Variants in CPEB3 observed in about 807,000 individuals in gnomAD.
CPEB3 encodes the protein cytoplasmic polyadenylation element binding protein 3.
A neutral mutation model predicts 67.2 loss-of-function variants in CPEB3; 20 were observed. The ratio of observed to expected loss-of-function variants is 0.30; its 90% CI spans 0.21 to 0.43. The LOEUF (loss-of-function observed/expected upper bound fraction) is 0.43, where lower values mean the gene tolerates loss of function less well. Ranked by LOEUF, CPEB3 falls within the 20% of genes least tolerant of loss-of-function variation. CPEB3 has a pLI of 1.00. For missense variants in CPEB3, 746 were observed against 968.6 expected (o/e 0.77, Z 3.05); for synonymous variants, 376 against 393.1 (o/e 0.96, Z 0.51).
At chr10:92,183,696 G>A (rs554354509) in intron 3 of CPEB3, among the ~76,000 whole-genome samples, 7 of 152,234 alleles carry the variant, frequency 4.6e-5, no homozygotes, top group African/African-American at 1.7e-4. Flanking sequence ...AGAACTTAAG[G>A]AAATCGCATA....
intron 3 of CPEB3, among the ~76,000 whole-genome samples, chr10:92,185,622 A>T (rs1359409531): frequency 6.6e-6 from 1 of 152,198 alleles, no homozygotes; most frequent in African/African-American, 2.4e-5. Flanking sequence ...ATATGTTATG[A>T]GATAGGGAAC....
chr10:92,144,820 A>G, intron 5 of CPEB3, 125 bp downstream of exon 5: 1 of 768,466 alleles, frequency 1.3e-6, no homozygotes, highest in Non-Finnish European at 2.1e-6. Flanking sequence ...TAATCCACCA[A>G]ATAGTCTCAC....
chr10:92,172,724 A>C (rs1458925042), intron 4 of CPEB3, among the ~76,000 whole-genome samples: 2 of 152,184 alleles, frequency 1.3e-5, no homozygotes, highest in East Asian at 1.9e-4. Flanking sequence ...AGTTTCACAC[A>C]CTACTCTATC....
At position 92,047,700 on chromosome 10, in the gene CPEB3, T is replaced by A. The variant is rs1392261621; in HGVS notation, c.*4512A>T. On this transcript the variant is annotated 3_prime_UTR_variant, in exon 10 of 10. Coordinates refer to ENST00000265997, the MANE Select transcript of CPEB3 (RefSeq NM_014912.5). ...AGTAGTACCCAATTTGAGTTAAAAT[T>A]TTACATCACAACTTGATCTAATCTA... 1 of 152,250 alleles carries A rather than the reference T, an allele frequency of 6.6e-6. No homozygotes were observed. Among genetic ancestry groups the A allele is most frequent in the Non-Finnish European group, 1.5e-5 (1 of 68,034 alleles). 9.4% of individuals were successfully genotyped at this position (152,250 alleles called of 1,614,324 possible).
chr10:92,262,885 T>C (rs1275118157), intron 1 of CPEB3, among the ~76,000 whole-genome samples: 1 of 152,076 alleles, frequency 6.6e-6, no homozygotes, highest in South Asian at 2.1e-4. Flanking sequence ...AGCAGCGTGA[T>C]TGTGGCTCAC....
At chr10:92,251,121 C>T (rs1321701024) in intron 1 of CPEB3, among the ~76,000 whole-genome samples, 1 of 152,140 alleles carries the variant, frequency 6.6e-6, no homozygotes, top group African/African-American at 2.4e-5. Context: ...TGTGGGGTAA[C>T]ATGCTGTACA....
intron 5 of CPEB3, among the ~76,000 whole-genome samples, chr10:92,144,476 G>A (rs1564815896): frequency 1.3e-5 from 2 of 152,088 alleles, no homozygotes; most frequent in Non-Finnish European, 2.9e-5. Flanking sequence ...ATGTTGCCCA[G>A]GCTGGTCTTG....
intron 7 of CPEB3, among the ~76,000 whole-genome samples, chr10:92,106,814 C>CAAAAAAAAAAAAAAAAAA (rs531195477): frequency 7.1e-5 from 4 of 55,972 alleles, no homozygotes; most frequent in African/African-American, 1.7e-4. Context: ...GACTCTGTCT[C>CAAAAAAAAAAAAAAAAAA]AAAAAAAAAA....
At chr10:92,125,479 T>C (rs1380112560) in intron 6 of CPEB3, among the ~76,000 whole-genome samples, 1 of 152,008 alleles carries the variant, frequency 6.6e-6, no homozygotes, top group African/African-American at 2.4e-5. Context: ...CCTGGGCCCA[T>C]ATTCTCTGTC....
intron 2 of CPEB3, among the ~76,000 whole-genome samples, chr10:92,209,869 G>A (rs926570124): frequency 2.0e-5 from 3 of 149,754 alleles, no homozygotes; most frequent in Non-Finnish European, 3.0e-5. Flanking sequence ...CCCGAGAGGC[G>A]GAGGCTGCAG....
At chr10:92,074,526 G>A (rs1044313903) in intron 9 of CPEB3, among the ~76,000 whole-genome samples, 1 of 152,152 alleles carries the variant, frequency 6.6e-6, no homozygotes, top group Non-Finnish European at 1.5e-5. Context: ...ATGAAGAAAG[G>A]ATTCTTAAAA....
intron 1 of CPEB3, among the ~76,000 whole-genome samples, chr10:92,284,284 G>A (rs890522468): frequency 3.3e-5 from 5 of 151,534 alleles, no homozygotes; most frequent in Admixed American, 6.6e-5. Context: ...TCATCCGCCC[G>A]CCTCAGCCTC....
At chr10:92,088,535 T>G (rs1396775607) in intron 8 of CPEB3, among the ~76,000 whole-genome samples, 1 of 152,018 alleles carries the variant, frequency 6.6e-6, no homozygotes, top group Non-Finnish European at 1.5e-5. Context: ...CTTTAAGAGG[T>G]GTTTGTATAT....
chr10:92,278,601 CTT>C (rs1294501874), intron 1 of CPEB3, among the ~76,000 whole-genome samples: 17 of 129,166 alleles, frequency 1.3e-4, no homozygotes, highest in Admixed American at 2.4e-4. Context: ...TTGACTGGTT[CTT>C]TTTTTTTTTT....
At chr10:92,258,625 A>AATATATATAT (rs56316802) in intron 1 of CPEB3, among the ~76,000 whole-genome samples, 3 of 32,894 alleles carry the variant, frequency 9.1e-5, no homozygotes, top group African/African-American at 2.9e-4. Flanking sequence ...ATATTTTTTG[A>AATATATATAT]ATATATATAT....
intron 6 of CPEB3, chr10:92,137,668 AC>A (rs1197724415): frequency 7.4e-5 from 39 of 528,248 alleles, no homozygotes; most frequent in South Asian, 1.5e-4. Context: ...CCTGATTGTC[AC>A]CCTAGGCAGT....
chr10:92,198,350 C>A (rs567049773), intron 2 of CPEB3, among the ~76,000 whole-genome samples: 1 of 152,148 alleles, frequency 6.6e-6, no homozygotes, highest in Non-Finnish European at 1.5e-5. Flanking sequence ...TTGACCCCAC[C>A]CTGCAACACA....
In CPEB3 at chr10:92,239,457, GC is replaced by G; in HGVS notation, c.893del (p.Ser298ThrfsTer3). 1 of 1,597,558 alleles carries G rather than the reference GC, an allele frequency of 6.3e-7. No individual in the cohort carries two copies. The highest frequency in any genetic ancestry group is 8.5e-7 in the Non-Finnish European group (1 of 1,171,752). On this transcript the variant is annotated frameshift_variant, in exon 2 of 10. Coordinates refer to ENST00000265997, the MANE Select transcript of CPEB3 (RefSeq NM_014912.5). LOFTEE classifies it high-confidence loss of function. This position sits in a 1 kb window ranked among gnomAD's most constrained non-coding sequence, Gnocchi z 6.0. ...GGAACTTGGGCGGCGCGATCACGTTGCTGGAGAAGGGCTTTTTGAGCGGCGA... is the reference window on the plus strand; with the variant it reads ...GGAACTTGGGCGGCGCGATCACGTTGTGGAGAAGGGCTTTTTGAGCGGCGA... The part of the protein sequence containing the change: ...PISPLKKPFS[S>X]NVIAPPKFPR...
rs1851680711 is a variant in CPEB3, at chr10:92,239,085, T to G, written c.1005+261A>C. 6.6e-6 allele frequency among the ~76,000 whole-genome samples: 1 copy of G among 152,094 alleles called. No individual in the cohort carries two copies. The highest frequency in any genetic ancestry group is 2.1e-4 in the South Asian group (1 of 4,818). ...GTCAAAATAAGAGGTACAAACACCA[T>G]GAAGGAGAAAATAAACTAAAAGAAA... On this transcript the variant is annotated intron_variant, in intron 2 of 9. Transcript: ENST00000265997. This position sits in a 1 kb window ranked among gnomAD's most constrained non-coding sequence, Gnocchi z 6.0.
Sources: gnomAD v4.1 joint callset for allele counts (sites outside exome capture counted in the v4.1 genomes callset) on GRCh38, gnomAD v4.1.1 for gene constraint, Gnocchi (gnomAD v3.1) non-coding constraint, MANE v1.5 for transcripts, NCBI Gene and HGNC (gene_info 2026-07-23, HGNC 2026-07-21) for gene names.